NFYC: variants seen among roughly 807,000 people sequenced by gnomAD.
NFYC encodes the protein CAAT box DNA-binding protein subunit C.
In NFYC, 25 loss-of-function variants were observed where a neutral mutation model predicts 53.1. The observed-to-expected ratio is 0.47, with a 90% CI of 0.34 to 0.66. NFYC has a LOEUF of 0.66. Ranked by LOEUF, NFYC falls within the 30% of genes least tolerant of loss-of-function variation. NFYC has a pLI of 0.01. For synonymous variants in NFYC, 145 were observed against 152.6 expected, an observed-to-expected ratio of 0.95 and a Z score of 0.37; for missense variants, 260 against 422.7, an observed-to-expected ratio of 0.62 and a Z score of 3.38.
At chr1:40,716,051 T>C (rs1345253646) in intron 1 of NFYC, among the ~76,000 whole-genome samples, 1 of 152,248 alleles carries the variant, frequency 6.6e-6, no homozygotes, top group Non-Finnish European at 1.5e-5. Context: ...AATTTTCTTC[T>C]GTCTACCTAA....
rs1205067458 is a variant in NFYC at position 40,770,365 on chromosome 1, A to G, written c.889-344A>G. 6.5e-7 allele frequency: 1 copy of G among 1,526,872 alleles called. No individual in the cohort carries two copies. Among genetic ancestry groups the G allele is most frequent in the Non-Finnish European group, 8.8e-7 (1 of 1,131,362 alleles). 94.6% of individuals were successfully genotyped at this position (1,526,872 alleles called of 1,614,324 possible). On this transcript the variant is annotated intron_variant, in intron 9 of 9. Transcript: ENST00000447388. This position sits in a 1 kb window ranked among gnomAD's most constrained non-coding sequence, Gnocchi z 5.3. ...AAATGCTGACTTCCAAGCTGCTGGT[A>G]CAGTGGTTCGAATTGCTTGTGTTTG...
chr1:40,733,927 A>T (rs780244374), intron 1 of NFYC, among the ~76,000 whole-genome samples: 2 of 152,048 alleles, frequency 1.3e-5, no homozygotes, highest in Non-Finnish European at 2.9e-5. Context: ...TTGTGTTTTT[A>T]GTAGAAACAG....
intron 1 of NFYC, among the ~76,000 whole-genome samples, chr1:40,694,114 G>A (rs560380259): frequency 7.2e-5 from 11 of 152,344 alleles, no homozygotes; most frequent in African/African-American, 2.6e-4. Context: ...TGTATGTGGA[G>A]GTAATTTATG....
At chr1:40,747,801 C>G (rs1322420427) in intron 3 of NFYC, among the ~76,000 whole-genome samples, 196 bp downstream of exon 3, 3 of 149,352 alleles carry the variant, frequency 2.0e-5, no homozygotes, top group Non-Finnish European at 4.4e-5. Context: ...ATGGATCATC[C>G]TGAAAATTTT....
intron 2 of NFYC, among the ~76,000 whole-genome samples, chr1:40,740,812 G>C (rs548419471): frequency 6.6e-6 from 1 of 152,252 alleles, no homozygotes; most frequent in East Asian, 1.9e-4. Flanking sequence ...AATCGAGCAA[G>C]TCTGTGCCGC....
intron 1 of NFYC, among the ~76,000 whole-genome samples, chr1:40,726,166 G>A (rs569967402): frequency 4.6e-5 from 7 of 151,998 alleles, no homozygotes; most frequent in African/African-American, 1.4e-4. Context: ...TGCTCAGGCT[G>A]GAGTGCAGTG....
At chr1:40,763,936 T>C (rs1646692029) in intron 7 of NFYC, among the ~76,000 whole-genome samples, 1 of 152,246 alleles carries the variant, frequency 6.6e-6, no homozygotes, top group African/African-American at 2.4e-5. Flanking sequence ...ATAAATACAC[T>C]TGTTGCATAT....
intron 1 of NFYC, chr1:40,692,185 A>G (rs78289438): frequency 0.021 from 3,773 of 182,574 alleles, 57 homozygotes; most frequent in Middle Eastern, 0.036. Context: ...TGGACGCGCC[A>G]GCTCCGGTCT....
At chr1:40,756,210 G>C (rs1399898703) in intron 5 of NFYC, among the ~76,000 whole-genome samples, 1 of 152,170 alleles carries the variant, frequency 6.6e-6, no homozygotes, top group Admixed American at 6.5e-5. Flanking sequence ...GGCTGCAAAA[G>C]GTATCAGTAT....
At chr1:40,767,573 C>G (rs1646881654) in intron 8 of NFYC, among the ~76,000 whole-genome samples, 1 of 152,132 alleles carries the variant, frequency 6.6e-6, no homozygotes, top group South Asian at 2.1e-4. Flanking sequence ...TGACTCACAC[C>G]CTTCCCCCAG....
At position 40,741,451 on chromosome 1, in the gene NFYC, G is replaced by A. The variant is rs147669770; in HGVS notation, c.105+2503G>A. On this transcript the variant is annotated intron_variant, in intron 2 of 9. Coordinates refer to ENST00000447388, the MANE Select transcript of NFYC (RefSeq NM_014223.5). ...GTGTAGTAAATGCATTTTCAACTTA[G>A]GATCTTTTCAACTTAACAATAGCTT... Among the ~76,000 whole-genome samples, 900 of 152,152 alleles carry A rather than the reference G, an allele frequency of 5.9e-3. 7 individuals carry two copies. Among genetic ancestry groups the A allele is most frequent in the Non-Finnish European group, 9.5e-3 (649 of 68,000 alleles).
At chr1:40,769,974 C>T (rs1265093358) in intron 9 of NFYC, among the ~76,000 whole-genome samples, 1 of 152,174 alleles carries the variant, frequency 6.6e-6, no homozygotes, top group Non-Finnish European at 1.5e-5. Flanking sequence ...AACTTGTGCC[C>T]TCTGCTGCTC....
At chr1:40,761,594 AC>A (rs1646548006) in intron 6 of NFYC, among the ~76,000 whole-genome samples, 1 of 152,164 alleles carries the variant, frequency 6.6e-6, no homozygotes, top group Admixed American at 6.5e-5. Context: ...CACTGCATGT[AC>A]TTTTAGAACA....
Position 40,728,510 on chromosome 1 carries a change from C to T in NFYC, c.-8-10326C>T, listed in dbSNP as rs1332133688. ...TACTCGGGAGGCTGGGCATGAGAAT[C>T]GCTTGAACCCAGAAGGCGGAGGTTG... On this transcript the variant is annotated intron_variant, in intron 1 of 9. Coordinates refer to ENST00000447388, the MANE Select transcript of NFYC (RefSeq NM_014223.5). Among the ~76,000 whole-genome samples, 5 of 151,612 alleles carry T rather than the reference C, an allele frequency of 3.3e-5. No homozygotes were observed. In the South Asian group the frequency reaches 6.3e-4, roughly 19 times the overall value.
chr1:40,763,092 A>G (rs760575888), intron 7 of NFYC, 46 bp downstream of exon 7: 1 of 1,460,234 alleles, frequency 6.8e-7, no homozygotes, highest in Admixed American at 2.4e-5. Context: ...ATAGAAGGAA[A>G]TACTTAAAGA....
chr1:40,742,823 C>G (rs148219852), intron 2 of NFYC, among the ~76,000 whole-genome samples: 2 of 152,224 alleles, frequency 1.3e-5, no homozygotes, highest in Admixed American at 6.5e-5. Flanking sequence ...CTTATTTTCC[C>G]CTCTTCTCAG....
At chr1:40,700,017 A>G (rs1643352969) in intron 1 of NFYC, among the ~76,000 whole-genome samples, 1 of 152,206 alleles carries the variant, frequency 6.6e-6, no homozygotes, top group Non-Finnish European at 1.5e-5. Context: ...TAAACGTTTC[A>G]TGCTATGACT....
chr1:40,704,132 C>T (rs1416152705), intron 1 of NFYC, among the ~76,000 whole-genome samples: 3 of 150,502 alleles, frequency 2.0e-5, no homozygotes, highest in Non-Finnish European at 3.0e-5. Context: ...AGTGCAGTGG[C>T]GCGATCTCTG....
chr1:40,745,421 G>A (rs1645561303), intron 2 of NFYC, among the ~76,000 whole-genome samples: 1 of 152,054 alleles, frequency 6.6e-6, no homozygotes, highest in African/African-American at 2.4e-5. Flanking sequence ...CATCTTCTGT[G>A]ATATGCCACA....
Sources: gnomAD v4.1 joint callset for allele counts (sites outside exome capture counted in the v4.1 genomes callset) on GRCh38, gnomAD v4.1.1 for gene constraint, Gnocchi (gnomAD v3.1) non-coding constraint, MANE v1.5 for transcripts, NCBI Gene and HGNC (gene_info 2026-07-23, HGNC 2026-07-21) for gene names.